Variants in ZNF385D observed in about 807,000 individuals in gnomAD.
ZNF385D encodes the protein zinc finger protein 659.
In ZNF385D, 15 loss-of-function variants were observed where a neutral mutation model predicts 35.8. The ratio of observed to expected loss-of-function variants is 0.42; its 90% CI spans 0.28 to 0.64. ZNF385D has a LOEUF of 0.64. Ranked by LOEUF, ZNF385D falls within the 30% of genes least tolerant of loss-of-function variation. The probability of loss-of-function intolerance (pLI) is 0.23; values close to 1 mark genes in which losing one functional copy is unlikely to be tolerated. For missense variants in ZNF385D, 474 were observed against 494.6 expected (o/e 0.96, Z 0.39); for synonymous variants, 212 against 186.8 (o/e 1.13, Z -1.10).
At chr3:22,365,181 T>C (rs1696596591) in intron 2 of ZNF385D, among the ~76,000 whole-genome samples, 1 of 151,936 alleles carries the variant, frequency 6.6e-6, no homozygotes, top group Non-Finnish European at 1.5e-5. Flanking sequence ...ATGGTGATGT[T>C]TGCACAACAA....
chr3:22,182,449 T>G (rs2125781242), intron 2 of ZNF385D, among the ~76,000 whole-genome samples: 1 of 152,214 alleles, frequency 6.6e-6, no homozygotes, highest in South Asian at 2.1e-4. Context: ...ATGACAGACA[T>G]AACTAATCAA....
At chr3:22,312,659 T>C (rs1295381102) in intron 2 of ZNF385D, among the ~76,000 whole-genome samples, 2 of 152,018 alleles carry the variant, frequency 1.3e-5, no homozygotes, top group South Asian at 2.1e-4. Flanking sequence ...AAGTGCTCAT[T>C]ATCACTGGCC....
chr3:21,617,141 A>G (rs1381791405), intron 2 of ZNF385D, among the ~76,000 whole-genome samples: 2 of 152,186 alleles, frequency 1.3e-5, no homozygotes, highest in Admixed American at 6.5e-5. Flanking sequence ...TGTGTTAAGT[A>G]TTAGAGAATT....
At chr3:21,903,137 A>G (rs1447126514) in intron 3 of ZNF385D, among the ~76,000 whole-genome samples, 2 of 152,204 alleles carry the variant, frequency 1.3e-5, no homozygotes, top group African/African-American at 2.4e-5. Context: ...TCTTGAGACC[A>G]GAAGATCAAC....
intron 5 of ZNF385D, among the ~76,000 whole-genome samples, chr3:21,426,431 TAAC>T (rs1575123349): frequency 6.6e-6 from 1 of 152,208 alleles, no homozygotes; most frequent in East Asian, 1.9e-4. Context: ...TGTCAACCGT[TAAC>T]AACCCATTTG....
intron 3 of ZNF385D, among the ~76,000 whole-genome samples, chr3:22,143,395 G>A (rs914482117): frequency 9.2e-5 from 14 of 151,966 alleles, no homozygotes; most frequent in Non-Finnish European, 1.9e-4. Context: ...TGTGTTTTAC[G>A]CATTTAAGTT....
chr3:21,882,466 A>G lies in ZNF385D; in HGVS notation c.326-217438T>C, dbSNP rs374468761. ...CATGATGCTATTGCAAACTTAATAG[A>G]CTATAGTACAGTATAAACATAACTT... On this transcript the variant is annotated intron_variant, in intron 3 of 5. Coordinates refer to the ZNF385D transcript ENST00000494108. Among the ~76,000 whole-genome samples, 199 of 152,152 alleles carry G rather than the reference A, an allele frequency of 1.3e-3. 5 individuals carry two copies. In the South Asian group the frequency reaches 0.023, roughly 17 times the overall value.
chr3:21,586,843 A>T (rs1028520274), intron 2 of ZNF385D, among the ~76,000 whole-genome samples: 3 of 152,204 alleles, frequency 2.0e-5, no homozygotes, highest in African/African-American at 7.2e-5. Context: ...ATATATTTTA[A>T]TTAGAATTAG....
intron 3 of ZNF385D, among the ~76,000 whole-genome samples, chr3:21,756,389 G>T (rs2070343051): frequency 6.6e-6 from 1 of 152,122 alleles, no homozygotes; most frequent in South Asian, 2.1e-4. Context: ...AACTTTGAGA[G>T]AACTTGCTTT....
intron 3 of ZNF385D, among the ~76,000 whole-genome samples, chr3:22,050,383 C>CA (rs944699502): frequency 1.3e-5 from 2 of 151,592 alleles, no homozygotes; most frequent in Non-Finnish European, 2.9e-5. Flanking sequence ...AACAAACAAA[C>CA]AAAAAAACCA....
chr3:21,638,438 G>T (rs774758167), intron 2 of ZNF385D, among the ~76,000 whole-genome samples: 2 of 152,026 alleles, frequency 1.3e-5, no homozygotes, highest in African/African-American at 4.8e-5. Context: ...ATTTCTAAGT[G>T]CAGAGGTCCT....
rs138738911 is a variant in ZNF385D, at chr3:21,569,691, C to T, written c.166-5007G>A. 1.5e-3 allele frequency among the ~76,000 whole-genome samples: 229 copies of T among 151,236 alleles called. 4 individuals carry two copies. In the East Asian group the frequency reaches 0.034, roughly 22 times the overall value. The stretch of plus-strand genomic sequence containing the variant: ...TTTACATTTTGGCATGATTTTGCAG[C>T]GGCTGGCACATATACACCATGGAAT... On this transcript the variant is annotated intron_variant, in intron 2 of 7. Transcript: ENST00000281523.
chr3:22,150,467 C>A lies in ZNF385D; in HGVS notation c.325+18350G>T, dbSNP rs17010901. ...ATGGATATAAAAATAGGCCAAAAAA[C>A]CCTTCAGATCAACAATTAATAGTGG... On this transcript the variant is annotated intron_variant, in intron 3 of 5. Transcript: ENST00000494108. Among the ~76,000 whole-genome samples, 1,309 of 151,998 alleles carry A rather than the reference C, an allele frequency of 8.6e-3. 23 individuals carry two copies. Among genetic ancestry groups the A allele is most frequent in the African/African-American group, 0.03 (1,249 of 41,472 alleles).
chr3:22,058,879 C>G (rs1031752186), intron 3 of ZNF385D, among the ~76,000 whole-genome samples: 2 of 152,150 alleles, frequency 1.3e-5, no homozygotes, highest in Admixed American at 6.5e-5. Context: ...CTATCCACCT[C>G]CATAGCAAGA....
chr3:21,692,474 G>C (rs1431343596), intron 1 of ZNF385D, among the ~76,000 whole-genome samples: 1 of 152,056 alleles, frequency 6.6e-6, no homozygotes, highest in Non-Finnish European at 1.5e-5. Context: ...TCTCAGTTTG[G>C]ATTGCTTCCC....
intron 2 of ZNF385D, among the ~76,000 whole-genome samples, chr3:22,177,649 T>G (rs976722436): frequency 6.6e-6 from 1 of 152,178 alleles, no homozygotes; most frequent in African/African-American, 2.4e-5. Flanking sequence ...TTGTTACATA[T>G]GTATACATGT....
chr3:22,322,453 G>A (rs1246086722), intron 2 of ZNF385D, among the ~76,000 whole-genome samples: 2 of 152,160 alleles, frequency 1.3e-5, no homozygotes, highest in African/African-American at 4.8e-5. Context: ...GAAACACAGT[G>A]AGTCTGACTT....
chr3:22,150,034 T>C (rs1705118167), intron 3 of ZNF385D, among the ~76,000 whole-genome samples: 1 of 152,220 alleles, frequency 6.6e-6, no homozygotes, highest in Non-Finnish European at 1.5e-5. Context: ...TGAATTAAAA[T>C]TCACATATTC....
At chr3:22,103,949 C>A (rs754866093) in intron 3 of ZNF385D, among the ~76,000 whole-genome samples, 1 of 151,832 alleles carries the variant, frequency 6.6e-6, no homozygotes, top group South Asian at 2.1e-4. Flanking sequence ...GAAAATCAGT[C>A]TTGAGTTGTA....
Sources: gnomAD v4.1 joint callset for allele counts (sites outside exome capture counted in the v4.1 genomes callset) on GRCh38, gnomAD v4.1.1 for gene constraint, MANE v1.5 for transcripts, NCBI Gene and HGNC (gene_info 2026-07-23, HGNC 2026-07-21) for gene names.